PXDNL: variants seen among roughly 807,000 people sequenced by gnomAD.
The protein encoded by PXDNL is probable oxidoreductase PXDNL.
Under a neutral mutation model 150.8 loss-of-function variants are expected in PXDNL, and 145 were observed. That is an observed-to-expected ratio of 0.96 (90% CI 0.84 to 1.10). The LOEUF (loss-of-function observed/expected upper bound fraction) is 1.10, where lower values mean the gene tolerates loss of function less well. PXDNL is among the 50% of genes least tolerant of loss of function. The pLI is 0.00. For synonymous variants in PXDNL, 757 were observed against 725.7 expected (o/e 1.04, Z -0.69); for missense variants, 2,087 against 1,873.9 (o/e 1.11, Z -2.10).
chr8:51,766,103 G>T (rs1449273719), intron 1 of PXDNL, among the ~76,000 whole-genome samples: 2 of 152,132 alleles, frequency 1.3e-5, no homozygotes, highest in Non-Finnish European at 2.9e-5. Flanking sequence ...CCAAAGTGCT[G>T]GGATGACAGG....
chr8:51,639,391 C>T (rs1814688512), intron 2 of PXDNL, among the ~76,000 whole-genome samples: 2 of 152,052 alleles, frequency 1.3e-5, no homozygotes, highest in Non-Finnish European at 2.9e-5. Flanking sequence ...AAAAACCCTT[C>T]AAAAACATCA....
At chr8:51,348,665 T>C (rs1023719887) in intron 19 of PXDNL, among the ~76,000 whole-genome samples, 6 of 152,190 alleles carry the variant, frequency 3.9e-5, no homozygotes, top group Admixed American at 3.3e-4. Context: ...TATATCTATG[T>C]GCATGTGTAT....
In PXDNL at chr8:51,472,267, C is replaced by T; in HGVS notation, c.732G>A (p.Glu244=). ...PRITFEPQDV[E]VPSGNTVYFT... is the part of the protein sequence containing the mutation. Reference sequence around the variant, plus strand: ...AGTAGACGGTATTTCCTGATGGTACCTCCACATCCTGCGGCTCAAAAGTAA... The same window carrying T: ...AGTAGACGGTATTTCCTGATGGTACTTCCACATCCTGCGGCTCAAAAGTAA... The change falls in exon 8 of 23, where the codon GAG becomes GAA. Residue 244 remains glutamate, a synonymous_variant. Transcript: ENST00000356297. The T allele has an allele frequency of 3.7e-6, 6 of 1,613,228 alleles. No individual in the cohort carries two copies. The highest frequency in any genetic ancestry group is 4.2e-6 in the Non-Finnish European group (5 of 1,179,396).
chr8:51,636,249 C>G (rs1814600315), intron 2 of PXDNL, among the ~76,000 whole-genome samples: 1 of 152,098 alleles, frequency 6.6e-6, no homozygotes, highest in African/African-American at 2.4e-5. Flanking sequence ...TAACATTATA[C>G]TTAATGGTGA....
chr8:51,772,220 TTC>T (rs759758555), intron 1 of PXDNL, among the ~76,000 whole-genome samples: 3 of 141,048 alleles, frequency 2.1e-5, no homozygotes, highest in Non-Finnish European at 3.1e-5. Context: ...GTCTCTCTCT[TTC>T]TCTCTCTCTC....
intron 10 of PXDNL, among the ~76,000 whole-genome samples, chr8:51,451,832 C>T (rs565994433): frequency 6.6e-6 from 1 of 152,174 alleles, no homozygotes; most frequent in East Asian, 1.9e-4. Context: ...ATAAAATCAG[C>T]CTTTTAAATA....
chr8:51,605,130 T>C (rs1300715210), intron 2 of PXDNL, among the ~76,000 whole-genome samples: 1 of 152,148 alleles, frequency 6.6e-6, no homozygotes, highest in African/African-American at 2.4e-5. Flanking sequence ...CCTTGTACCA[T>C]ATAAAATATA....
intron 1 of PXDNL, among the ~76,000 whole-genome samples, chr8:51,686,532 C>T (rs4421345): frequency 0.087 from 13,226 of 152,286 alleles, 703 homozygotes; most frequent in East Asian, 0.14. Context: ...GCTCCCAGAC[C>T]AGTATTTGCA....
chr8:51,593,614 G>C (rs1033242497), intron 2 of PXDNL, among the ~76,000 whole-genome samples: 1 of 152,150 alleles, frequency 6.6e-6, no homozygotes, highest in African/African-American at 2.4e-5. Context: ...ACTGGAGCAG[G>C]TGATTATTTC....
At chr8:51,456,084 C>T (rs1486874895) in intron 9 of PXDNL, among the ~76,000 whole-genome samples, 1 of 152,218 alleles carries the variant, frequency 6.6e-6, no homozygotes, top group Admixed American at 6.5e-5. Flanking sequence ...CCGCTGCTGA[C>T]TTCCTCATCC....
chr8:51,346,028 A>G, intron 19 of PXDNL, 81 bp from the exon 20 acceptor site: 7 of 790,950 alleles, frequency 8.9e-6, no homozygotes, highest in Non-Finnish European at 1.5e-5. Context: ...TTTAACAGTC[A>G]GAGAGGGCAA....
intron 2 of PXDNL, among the ~76,000 whole-genome samples, chr8:51,611,163 A>T (rs1036311926): frequency 2.6e-5 from 4 of 152,192 alleles, no homozygotes; most frequent in African/African-American, 9.7e-5. Context: ...TGTATATCCA[A>T]GCAAAATATT....
At position 51,560,100 on chromosome 8, in the gene PXDNL, TAACCAA is replaced by T. The variant is rs1257589430; in HGVS notation, c.309-3195_309-3190del. On this transcript the variant is annotated intron_variant, in intron 3 of 22. Transcript: ENST00000356297. ...ATAATAAGCTACCTAGGAATAAACT[TAACCAA>T]GCGGGTTAAAGACTTCTACACTGAA... 6.8e-4 allele frequency among the ~76,000 whole-genome samples: 103 copies of T among 152,092 alleles called. 2 individuals carry two copies. Among genetic ancestry groups the T allele is most frequent in the African/African-American group, 2.4e-3 (101 of 41,548 alleles).
chr8:51,540,943 G>A (rs73586747), intron 4 of PXDNL, among the ~76,000 whole-genome samples: 7,930 of 151,718 alleles, frequency 0.052, 509 homozygotes, highest in African/African-American at 0.15. Flanking sequence ...GGGTGCAGAT[G>A]TTGTTATTTT....
chr8:51,447,141 C>T lies in PXDNL; in HGVS notation c.1388G>A (p.Gly463Asp), dbSNP rs1464879941. The change falls in exon 12 of 23, where the codon GGC becomes GAC. Residue 463 changes from glycine (G) to aspartate (D), a missense_variant. Coordinates refer to ENST00000356297, the MANE Select transcript of PXDNL (RefSeq NM_144651.5). ...GCCAGAGGAGAGAACTGTATGCTGG[C>T]CTTCCACAGGGAGCTGCCCTCCTGC... ...TKTGGQLPVE[G>D]QHTVLSSGTL... 3.1e-6 allele frequency: 5 copies of T among 1,613,794 alleles called. No homozygotes were observed. The highest frequency in any genetic ancestry group is 1.7e-5 in the Admixed American group (1 of 60,004).
At chr8:51,776,613 C>T (rs1418624493) in intron 1 of PXDNL, among the ~76,000 whole-genome samples, 1 of 152,114 alleles carries the variant, frequency 6.6e-6, no homozygotes, top group East Asian at 1.9e-4. Context: ...GAGGCCTTGA[C>T]CTGGCACCTT....
intron 4 of PXDNL, among the ~76,000 whole-genome samples, chr8:51,503,968 A>G (rs1453584599): frequency 1.3e-5 from 2 of 152,168 alleles, no homozygotes; most frequent in Admixed American, 6.5e-5. Flanking sequence ...CTCCTTCACC[A>G]TACTGGCTGT....
intron 1 of PXDNL, among the ~76,000 whole-genome samples, chr8:51,753,313 G>C (rs1193504638): frequency 6.6e-6 from 1 of 152,166 alleles, no homozygotes; most frequent in East Asian, 1.9e-4. Context: ...ACTGTCACAT[G>C]ATTTCCCAGG....
At chr8:51,764,836 T>G (rs1585732913) in intron 1 of PXDNL, among the ~76,000 whole-genome samples, 1 of 152,232 alleles carries the variant, frequency 6.6e-6, no homozygotes, top group East Asian at 1.9e-4. Flanking sequence ...CGTTATGGTG[T>G]TGTTCAAGTT....
Sources: allele counts gnomAD v4.1 joint callset (sites outside exome capture counted in the v4.1 genomes callset), GRCh38; gene constraint gnomAD v4.1.1; transcripts MANE v1.5; gene names NCBI Gene and HGNC (gene_info 2026-07-23, HGNC 2026-07-21).